The following TRAPPC9 variants were observed in gnomAD, a reference collection of about 807,000 sequenced individuals.
TRAPPC9 encodes IKK2 binding protein.
Under a neutral mutation model 124.0 loss-of-function variants are expected in TRAPPC9, and 83 were observed. The ratio of observed to expected loss-of-function variants is 0.67; its 90% CI spans 0.56 to 0.80. The LOEUF is 0.80. TRAPPC9 is among the 30% of genes least tolerant of loss of function. The probability of loss-of-function intolerance (pLI) is 0.00; values close to 1 mark genes in which losing one functional copy is unlikely to be tolerated. For missense variants in TRAPPC9, 1,302 were observed against 1,508.3 expected (o/e 0.86, Z 2.27); for synonymous variants, 638 against 617.5 (o/e 1.03, Z -0.49).
chr8:140,136,541 A>C (rs2061306805), intron 17 of TRAPPC9, among the ~76,000 whole-genome samples: 2 of 152,110 alleles, frequency 1.3e-5, no homozygotes, highest in South Asian at 4.1e-4. Flanking sequence ...AGGAACTTAA[A>C]ACCTAGGGCA....
intron 9 of TRAPPC9, among the ~76,000 whole-genome samples, chr8:140,341,939 G>A (rs1457516026): frequency 1.3e-5 from 2 of 152,258 alleles, no homozygotes; most frequent in African/African-American, 4.8e-5. Flanking sequence ...TTTGGCCTCT[G>A]ACACTATTTC....
In TRAPPC9 at chr8:139,730,860, T is replaced by C; in HGVS notation, c.*201A>G. 2 of 601,356 alleles carry C rather than the reference T, an allele frequency of 3.3e-6. No individual in the cohort carries two copies. The highest frequency in any genetic ancestry group is 2.9e-6 in the Non-Finnish European group (1 of 345,208). The allele number at this position is 601,356 out of a possible 1,614,324, so 37.3% of individuals were successfully genotyped here. A position where few individuals can be genotyped will look rare whatever the true frequency, so the allele number is the denominator to read the frequency against. ...GAACAGTGTAGGAAGGGGCGTGGCA[T>C]GGGGTGGGGCTGCCATGTCCGGGGC... On this transcript the variant is annotated 3_prime_UTR_variant, in exon 23 of 23. Transcript: ENST00000438773.
intron 21 of TRAPPC9, among the ~76,000 whole-genome samples, chr8:139,787,122 C>G (rs1206919874): frequency 1.3e-5 from 2 of 152,220 alleles, no homozygotes; most frequent in Non-Finnish European, 2.9e-5. Context: ...ACTACCAGCA[C>G]CCAGTAAGTC....
At chr8:139,890,794 T>C (rs1233905719) in intron 20 of TRAPPC9, among the ~76,000 whole-genome samples, 1 of 151,888 alleles carries the variant, frequency 6.6e-6, no homozygotes, top group Non-Finnish European at 1.5e-5. Flanking sequence ...CATGTATACG[T>C]ATGTAACTAA....
chr8:139,838,739 C>T (rs1014612070), intron 21 of TRAPPC9, among the ~76,000 whole-genome samples: 13 of 152,300 alleles, frequency 8.5e-5, no homozygotes, highest in African/African-American at 3.1e-4. Flanking sequence ...CACTCTTGAC[C>T]GCATCAAAGG....
chr8:140,006,533 C>T (rs1838762463), intron 18 of TRAPPC9, among the ~76,000 whole-genome samples: 1 of 152,166 alleles, frequency 6.6e-6, no homozygotes, highest in Non-Finnish European at 1.5e-5. Context: ...CATGCATCCA[C>T]ACAGAAAATT....
chr8:140,266,971 A>G (rs1224460962), intron 15 of TRAPPC9, among the ~76,000 whole-genome samples: 4 of 152,196 alleles, frequency 2.6e-5, no homozygotes, highest in Admixed American at 2.6e-4. Context: ...GAGACCCACA[A>G]AGGTCTGTCT....
intron 21 of TRAPPC9, among the ~76,000 whole-genome samples, chr8:139,747,548 G>C (rs563426408): frequency 1.4e-4 from 16 of 116,466 alleles, no homozygotes; most frequent in South Asian, 3.4e-4. Context: ...GAGCAGGTAG[G>C]GGGGGCGTAC....
At chr8:140,243,657 C>T (rs1038968956) in intron 16 of TRAPPC9, among the ~76,000 whole-genome samples, 6 of 152,188 alleles carry the variant, frequency 3.9e-5, no homozygotes, top group Admixed American at 2.6e-4. Context: ...CCAGGTTTGC[C>T]GCCCACTCTC....
At chr8:139,745,881 C>T (rs1818852547) in intron 21 of TRAPPC9, among the ~76,000 whole-genome samples, 1 of 152,262 alleles carries the variant, frequency 6.6e-6, no homozygotes, top group Non-Finnish European at 1.5e-5. Context: ...CAGCAGCCCG[C>T]CTCCACGTGC....
chr8:139,895,677 G>A (rs967026427), intron 20 of TRAPPC9, among the ~76,000 whole-genome samples: 1 of 152,222 alleles, frequency 6.6e-6, no homozygotes, highest in Admixed American at 6.5e-5. Context: ...CTGCACTTGA[G>A]TGTGGGCCTC....
chr8:139,844,689 G>A (rs1177587150), intron 21 of TRAPPC9, among the ~76,000 whole-genome samples: 1 of 152,216 alleles, frequency 6.6e-6, no homozygotes, highest in Non-Finnish European at 1.5e-5. Flanking sequence ...GACTGCTGGT[G>A]GGAGTGGGGA....
intron 19 of TRAPPC9, among the ~76,000 whole-genome samples, chr8:139,963,171 G>A (rs1191643514): frequency 1.3e-5 from 2 of 152,130 alleles, no homozygotes; most frequent in Non-Finnish European, 2.9e-5. Flanking sequence ...ATTTTTCATA[G>A]ACCTTTGGAT....
At chr8:140,406,048 G>A (rs1377941616) in intron 5 of TRAPPC9, among the ~76,000 whole-genome samples, 2 of 152,092 alleles carry the variant, frequency 1.3e-5, no homozygotes, top group Admixed American at 1.3e-4. Flanking sequence ...CTTCATGTTA[G>A]CAAGAAACCA....
At chr8:140,233,466 A>C (rs1347427732) in intron 16 of TRAPPC9, among the ~76,000 whole-genome samples, 2 of 152,050 alleles carry the variant, frequency 1.3e-5, no homozygotes, top group Non-Finnish European at 2.9e-5. Flanking sequence ...AGCCTCTCAA[A>C]GTACTGGGAT....
At chr8:139,881,665 CTAA>C (rs1829681683) in intron 21 of TRAPPC9, among the ~76,000 whole-genome samples, 1 of 102,278 alleles carries the variant, frequency 9.8e-6, no homozygotes, top group Non-Finnish European at 2.0e-5. Flanking sequence ...CTACCAACTG[CTAA>C]CCATCTCTCT....
At chr8:140,031,789 G>C (rs574658380) in intron 17 of TRAPPC9, among the ~76,000 whole-genome samples, 1 of 152,224 alleles carries the variant, frequency 6.6e-6, no homozygotes, top group Non-Finnish European at 1.5e-5. Flanking sequence ...GCAGGGATGG[G>C]TTTGAACAAC....
chr8:139,934,573 G>A (rs1028883564), intron 19 of TRAPPC9, among the ~76,000 whole-genome samples: 1 of 152,170 alleles, frequency 6.6e-6, no homozygotes, highest in Non-Finnish European at 1.5e-5. Flanking sequence ...GCCCCTGTCT[G>A]AGTCATCACT....
intron 10 of TRAPPC9, among the ~76,000 whole-genome samples, chr8:140,306,492 C>CAAAAAAA (rs11447991): frequency 1.7e-5 from 2 of 115,476 alleles, no homozygotes; most frequent in African/African-American, 3.3e-5. Context: ...GACTCTGTCT[C>CAAAAAAA]AAAAAAAAAA....
Sources: gnomAD v4.1 joint callset for allele counts (sites outside exome capture counted in the v4.1 genomes callset) on GRCh38, gnomAD v4.1.1 for gene constraint, MANE v1.5 for transcripts, NCBI Gene and HGNC (gene_info 2026-07-23, HGNC 2026-07-21) for gene names.